The following VWF variants were observed in gnomAD, a reference collection of about 807,000 sequenced individuals.
The protein encoded by VWF is Factor VIII related antigen.
A neutral mutation model predicts 308.6 loss-of-function variants in VWF; 176 were observed. That is an observed-to-expected ratio of 0.57 (90% CI 0.50 to 0.65). The LOEUF (loss-of-function observed/expected upper bound fraction) is 0.65, where lower values mean the gene tolerates loss of function less well. Ranked by LOEUF, VWF falls within the 30% of genes least tolerant of loss-of-function variation. The pLI, the probability that VWF is intolerant of heterozygous loss-of-function variation, is 0.00. For missense variants in VWF, 3,146 were observed against 3,648.2 expected (o/e 0.86, Z 3.55); for synonymous variants, 1,385 against 1,443.4 (o/e 0.96, Z 0.92).
rs1312908190 is a variant in VWF at position 5,971,690 on chromosome 12, T to C, written c.7457A>G (p.His2486Arg). 6.8e-6 allele frequency: 11 copies of C among 1,614,052 alleles called. No individual in the cohort carries two copies. Among genetic ancestry groups the C allele is most frequent in the Non-Finnish European group, 8.5e-6 (10 of 1,180,032 alleles). Residue 2486 changes from histidine (H) to arginine (R), a missense_variant, in exon 44 of 52, where the codon CAT becomes CGT. His to Arg is a conservative substitution (Grantham distance 29). Around this residue, in one of 3 missense-constraint regions of VWF, gnomAD observed 989 missense variants for 1,117.4 expected, o/e 0.89. Transcript: ENST00000261405. ...GCACCTTCCACAGCACTCGCCTTCA[T>C]GCAGAACGTAAGTGAAGCCCTGGAA... ...SCRSGFTYVL[H>R]EGECCGRCLP...
At chr12:6,009,622 G>C (rs1943969372) in intron 34 of VWF, among the ~76,000 whole-genome samples, 1 of 152,110 alleles carries the variant, frequency 6.6e-6, no homozygotes, top group African/African-American at 2.4e-5. Flanking sequence ...TCCCACTTCT[G>C]GGTATTCATC....
chr12:6,059,650 GC>G (rs1565848059), intron 13 of VWF, among the ~76,000 whole-genome samples: 12 of 152,144 alleles, frequency 7.9e-5, no homozygotes, highest in Non-Finnish European at 1.3e-4. Context: ...TTTTAAAAGG[GC>G]ACAAATCTCA....
At chr12:5,993,664 T>TATATATACAC (rs1943769643) in intron 37 of VWF, among the ~76,000 whole-genome samples, 198 bp downstream of exon 37, 2 of 144,122 alleles carry the variant, frequency 1.4e-5, no homozygotes, top group South Asian at 4.4e-4. Flanking sequence ...TATATATATA[T>TATATATACAC]ACACACACAC....
intron 16 of VWF, among the ~76,000 whole-genome samples, chr12:6,049,989 T>TC (rs772065782): frequency 2.8e-4 from 42 of 152,322 alleles, no homozygotes; most frequent in Non-Finnish European, 5.4e-4. Flanking sequence ...CCCTTAGGGA[T>TC]CCTCGCTACT....
chr12:5,992,870 G>A (rs1943761419), intron 37 of VWF, among the ~76,000 whole-genome samples: 1 of 152,200 alleles, frequency 6.6e-6, no homozygotes. Context: ...CAGAGAAAGT[G>A]CTTCCAGTAA....
intron 47 of VWF, among the ~76,000 whole-genome samples, chr12:5,963,776 G>A (rs1036238493): frequency 6.6e-5 from 10 of 152,188 alleles, no homozygotes; most frequent in African/African-American, 9.7e-5. Flanking sequence ...TTGTTGAAGC[G>A]GCATAAGGTA....
At chr12:6,071,423 T>A (rs752315890) in intron 9 of VWF, 80 bp from the exon 10 acceptor site, 32 of 1,497,604 alleles carry the variant, frequency 2.1e-5, no homozygotes, top group Middle Eastern at 3.4e-4. Flanking sequence ...CTCATGGTAG[T>A]TATCACAGTC....
intron 37 of VWF, among the ~76,000 whole-genome samples, chr12:5,992,336 A>C (rs1466195115): frequency 6.6e-6 from 1 of 152,200 alleles, no homozygotes; most frequent in Non-Finnish European, 1.5e-5. Context: ...ACAGCTATGC[A>C]TGCTCCTTGT....
intron 44 of VWF, 58 bp from the exon 45 acceptor site, chr12:5,969,449 A>C (rs551057084): frequency 6.2e-7 from 1 of 1,604,036 alleles, no homozygotes; most frequent in Non-Finnish European, 8.5e-7. Context: ...CCAGGGTCCC[A>C]TTGGGAATGT....
chr12:6,079,402 C>G (rs564357646), intron 6 of VWF, among the ~76,000 whole-genome samples: 123 of 152,124 alleles, frequency 8.1e-4, no homozygotes, highest in Middle Eastern at 6.8e-3. Flanking sequence ...GTCAGGAGAT[C>G]AAGACCATCC....
chr12:6,108,342 C>T (rs1215126752), intron 5 of VWF, among the ~76,000 whole-genome samples: 2 of 134,308 alleles, frequency 1.5e-5, no homozygotes, highest in African/African-American at 3.5e-5. Context: ...TATACACACA[C>T]ACACACACAC....
At chr12:5,978,068 A>C (rs2136365766) in intron 42 of VWF, among the ~76,000 whole-genome samples, 1 of 149,612 alleles carries the variant, frequency 6.7e-6, no homozygotes, top group East Asian at 1.9e-4. Context: ...CAATCCCTAA[A>C]AATGGAAAAC....
At chr12:6,057,746 C>G (rs1263407126) in intron 14 of VWF, 103 bp downstream of exon 14, 18 of 1,315,978 alleles carry the variant, frequency 1.4e-5, no homozygotes, top group African/African-American at 2.7e-5. Context: ...TCGCTCCCCG[C>G]CCCCGCCCTC....
At chr12:6,100,124 C>CA (rs1945144796) in intron 5 of VWF, among the ~76,000 whole-genome samples, 1 of 151,870 alleles carries the variant, frequency 6.6e-6, no homozygotes, top group African/African-American at 2.4e-5. Flanking sequence ...TTTATGCAGC[C>CA]AAAAAACACA....
chr12:6,079,499 A>C (rs1944882247), intron 6 of VWF, among the ~76,000 whole-genome samples: 1 of 151,992 alleles, frequency 6.6e-6, no homozygotes, highest in South Asian at 2.1e-4. Context: ...AGTCCCAGCT[A>C]TTCGGGAGGC....
chr12:5,983,057 A>G, intron 41 of VWF, 93 bp downstream of exon 41: 1 of 1,273,486 alleles, frequency 7.9e-7, no homozygotes, highest in African/African-American at 1.5e-5. Context: ...ACAGGAAATG[A>G]CGTGATCTTG....
intron 42 of VWF, among the ~76,000 whole-genome samples, chr12:5,980,713 C>T (rs977425409): frequency 1.3e-5 from 2 of 152,160 alleles, no homozygotes; most frequent in African/African-American, 2.4e-5. Flanking sequence ...GCTGGAAGAG[C>T]GTCCAGAGGG....
At chr12:6,001,186 G>A (rs1184884348) in intron 34 of VWF, among the ~76,000 whole-genome samples, 2 of 151,974 alleles carry the variant, frequency 1.3e-5, no homozygotes, top group Non-Finnish European at 2.9e-5. Context: ...GTAATGACAG[G>A]AACAAAAGCA....
chr12:5,953,908 T>C (rs1428902236), intron 47 of VWF: 1 of 288,654 alleles, frequency 3.5e-6, no homozygotes, highest in Admixed American at 4.6e-5. Flanking sequence ...GAGACTTGCA[T>C]CCAAAAGGAA....
Sources: gnomAD v4.1 joint callset for allele counts (sites outside exome capture counted in the v4.1 genomes callset) on GRCh38, gnomAD v4.1.1 for gene constraint, gnomAD v4.1.1 regional missense constraint, MANE v1.5 for transcripts, NCBI Gene and HGNC (gene_info 2026-07-23, HGNC 2026-07-21) for gene names.